Variants in RSRC1 observed in about 807,000 individuals in gnomAD.
The protein encoded by RSRC1 is serine/Arginine-related protein 53.
Under a neutral mutation model 49.1 loss-of-function variants are expected in RSRC1, and 39 were observed. That is an observed-to-expected ratio of 0.79 (90% CI 0.61 to 1.04). The LOEUF is 1.04. Ranked by LOEUF, RSRC1 falls within the 50% of genes least tolerant of loss-of-function variation. RSRC1 has a pLI of 0.00. For synonymous variants in RSRC1, 143 were observed against 130.8 expected (o/e 1.09, Z -0.63); for missense variants, 388 against 402.4 (o/e 0.96, Z 0.31).
intron 6 of RSRC1, among the ~76,000 whole-genome samples, chr3:158,365,572 A>G (rs1731717378): frequency 6.6e-6 from 1 of 152,100 alleles, no homozygotes; most frequent in East Asian, 1.9e-4. Flanking sequence ...GTTGGTTCCA[A>G]GTTTTTGCTA....
At chr3:158,455,272 T>G (rs1404906293) in intron 6 of RSRC1, among the ~76,000 whole-genome samples, 1 of 152,122 alleles carries the variant, frequency 6.6e-6, no homozygotes, top group African/African-American at 2.4e-5. Flanking sequence ...AAGACTGGGC[T>G]ACATATAGAA....
intron 6 of RSRC1, among the ~76,000 whole-genome samples, chr3:158,380,883 T>A (rs1732662133): frequency 6.6e-6 from 1 of 152,208 alleles, no homozygotes; most frequent in Admixed American, 6.5e-5. Flanking sequence ...TAAATATTAC[T>A]GTGTTCTGTT....
intron 7 of RSRC1, among the ~76,000 whole-genome samples, chr3:158,518,878 T>C (rs1230926199): frequency 6.6e-6 from 1 of 152,194 alleles, no homozygotes; most frequent in Non-Finnish European, 1.5e-5. Context: ...AAGTGTTGTT[T>C]ACAGGAACTC....
intron 4 of RSRC1, among the ~76,000 whole-genome samples, chr3:158,212,930 C>T (rs1188876322): frequency 2.0e-5 from 3 of 151,712 alleles, no homozygotes; most frequent in Non-Finnish European, 2.9e-5. Context: ...TTTTAAAATT[C>T]GAGTTTATTC....
intron 4 of RSRC1, among the ~76,000 whole-genome samples, chr3:158,261,101 T>C (rs888263566): frequency 6.6e-6 from 1 of 152,210 alleles, no homozygotes; most frequent in Non-Finnish European, 1.5e-5. Flanking sequence ...TTGCTGTTCC[T>C]GCCAGGGGGA....
chr3:158,211,589 A>G (rs554662966), intron 4 of RSRC1, among the ~76,000 whole-genome samples: 7 of 152,000 alleles, frequency 4.6e-5, no homozygotes, highest in Admixed American at 3.9e-4. Flanking sequence ...TAATCTATGG[A>G]GTCTAAAAAT....
At chr3:158,392,360 A>G (rs897904614) in intron 6 of RSRC1, among the ~76,000 whole-genome samples, 1 of 152,024 alleles carries the variant, frequency 6.6e-6, no homozygotes, top group African/African-American at 2.4e-5. Flanking sequence ...CTTTTTTGTG[A>G]AATACTATTA....
chr3:158,442,819 T>C (rs376035581), intron 6 of RSRC1, among the ~76,000 whole-genome samples: 2 of 152,066 alleles, frequency 1.3e-5, no homozygotes, highest in African/African-American at 4.8e-5. Flanking sequence ...ATGTATTTCT[T>C]AAACAGTAAG....
chr3:158,440,316 A>G (rs961321448), intron 6 of RSRC1, among the ~76,000 whole-genome samples: 3 of 152,000 alleles, frequency 2.0e-5, no homozygotes, highest in Non-Finnish European at 2.9e-5. Context: ...GATTGTTCTT[A>G]GAGAGCCCTT....
At chr3:158,315,909 C>T (rs571518425) in intron 5 of RSRC1, among the ~76,000 whole-genome samples, 52 of 152,214 alleles carry the variant, frequency 3.4e-4, no homozygotes, top group Non-Finnish European at 5.7e-4. Context: ...TGGTGGCTCA[C>T]GCCTGCAATC....
intron 7 of RSRC1, among the ~76,000 whole-genome samples, chr3:158,485,855 AT>A (rs2108441335): frequency 6.6e-6 from 1 of 152,214 alleles, no homozygotes; most frequent in African/African-American, 2.4e-5. Context: ...ATTACAGAAA[AT>A]TTTCTAACTT....
intron 7 of RSRC1, among the ~76,000 whole-genome samples, chr3:158,478,432 G>C (rs1560059801): frequency 1.3e-5 from 2 of 151,764 alleles, no homozygotes; most frequent in South Asian, 4.1e-4. Context: ...ACTAAAACTA[G>C]ATAAATTAAA....
chr3:158,143,647 C>G (rs1716889150), intron 3 of RSRC1, among the ~76,000 whole-genome samples: 1 of 151,868 alleles, frequency 6.6e-6, no homozygotes, highest in Non-Finnish European at 1.5e-5. Context: ...ATAGTATTCT[C>G]CAAATTTTTT....
intron 3 of RSRC1, among the ~76,000 whole-genome samples, chr3:158,183,332 T>C (rs1453809400): frequency 6.6e-6 from 1 of 152,072 alleles, no homozygotes. Context: ...CACTTTAAAG[T>C]TTTTTTAAAA....
chr3:158,217,030 A>G lies in RSRC1; in HGVS notation c.494+13785A>G, dbSNP rs535533411. Among the ~76,000 whole-genome samples the G allele has an allele frequency of 5.9e-4, 90 of 151,854 alleles. 1 individual carries two copies. The highest frequency in any genetic ancestry group is 1.0e-3 in the Non-Finnish European group (70 of 67,798). The stretch of plus-strand genomic sequence containing the variant: ...CAGAACTATTCTTAGAACTTCAGCT[A>G]TATCTATACAGTTGCCTGTTGGACA... On this transcript the variant is annotated intron_variant, in intron 4 of 9. Transcript: ENST00000611884.
At chr3:158,270,030 C>T (rs1227829752) in intron 4 of RSRC1, among the ~76,000 whole-genome samples, 1 of 152,112 alleles carries the variant, frequency 6.6e-6, no homozygotes, top group South Asian at 2.1e-4. Flanking sequence ...GATTTTGTTT[C>T]CTGGTATCAG....
rs970080576 is a variant in RSRC1 at position 158,203,257 on chromosome 3, C to T, written c.494+12C>T. ...AACATCAAACGTGGGTAAGTTGGAG[C>T]AAATCTTATCTGGTAAGGACTTGGT... On this transcript the variant is annotated intron_variant, in intron 4 of 9. Coordinates refer to ENST00000611884, the MANE Select transcript of RSRC1 (RefSeq NM_001271838.2). 1.3e-6 allele frequency: 2 copies of T among 1,562,478 alleles called. No individual in the cohort carries two copies. Among genetic ancestry groups the T allele is most frequent in the Admixed American group, 1.9e-5 (1 of 52,134 alleles).
intron 7 of RSRC1, among the ~76,000 whole-genome samples, chr3:158,498,365 T>G (rs978504477): frequency 6.6e-6 from 1 of 152,226 alleles, no homozygotes; most frequent in African/African-American, 2.4e-5. Context: ...TATATCTTCT[T>G]TTGAGAATTG....
At chr3:158,203,313 TG>T (rs1435130798) in intron 4 of RSRC1, 68 bp downstream of exon 4, 13 of 1,486,382 alleles carry the variant, frequency 8.7e-6, no homozygotes, top group Non-Finnish European at 1.2e-5. Context: ...ACTAAATTTT[TG>T]TTCTCTGAGG....
Sources: gnomAD v4.1 joint callset for allele counts (sites outside exome capture counted in the v4.1 genomes callset) on GRCh38, gnomAD v4.1.1 for gene constraint, MANE v1.5 for transcripts, NCBI Gene and HGNC (gene_info 2026-07-23, HGNC 2026-07-21) for gene names.